ADAMTS6: variants seen among roughly 807,000 people sequenced by gnomAD.
ADAMTS6 encodes ADAM metallopeptidase with thrombospondin type 1 motif 6.
A neutral mutation model predicts 144.3 loss-of-function variants in ADAMTS6; 23 were observed. The observed-to-expected ratio is 0.16, with a 90% CI of 0.11 to 0.23. ADAMTS6 has a LOEUF of 0.23. Among genes scored for constraint, ADAMTS6 ranks in the 10% least tolerant of loss-of-function variants. The pLI is 1.00. For synonymous variants in ADAMTS6, 444 were observed against 457.5 expected, an observed-to-expected ratio of 0.97 and a Z score of 0.38; for missense variants, 999 against 1,379.6, an observed-to-expected ratio of 0.72 and a Z score of 4.37.
intron 14 of ADAMTS6, among the ~76,000 whole-genome samples, chr5:65,258,900 A>G (rs1760920535): frequency 6.6e-6 from 1 of 152,178 alleles, no homozygotes; most frequent in Non-Finnish European, 1.5e-5. Context: ...GAATTCATGA[A>G]AGAAGTACAG....
intron 12 of ADAMTS6, among the ~76,000 whole-genome samples, chr5:65,265,902 G>C (rs1761586563): frequency 6.6e-6 from 1 of 151,730 alleles, no homozygotes; most frequent in Admixed American, 6.6e-5. Context: ...AAAATCCATT[G>C]GAGGTGTATG....
intron 12 of ADAMTS6, among the ~76,000 whole-genome samples, chr5:65,268,450 A>T (rs569308470): frequency 3.2e-4 from 49 of 152,282 alleles, no homozygotes; most frequent in Non-Finnish European, 5.7e-4. Context: ...TCCTGTCCAA[A>T]GGGCTATTGC....
At chr5:65,345,370 T>C (rs1389458217) in intron 7 of ADAMTS6, among the ~76,000 whole-genome samples, 1 of 151,784 alleles carries the variant, frequency 6.6e-6, no homozygotes, top group African/African-American at 2.4e-5. Context: ...AGTTGCTGTA[T>C]GTTTGTAAGG....
At chr5:65,395,545 G>A (rs911898604) in intron 7 of ADAMTS6, among the ~76,000 whole-genome samples, 1 of 152,112 alleles carries the variant, frequency 6.6e-6, no homozygotes, top group African/African-American at 2.4e-5. Context: ...TGTTGCTGTT[G>A]TTTAGTGTGC....
At chr5:65,289,831 T>C (rs991956335) in intron 11 of ADAMTS6, among the ~76,000 whole-genome samples, 5 of 152,174 alleles carry the variant, frequency 3.3e-5, no homozygotes, top group African/African-American at 1.2e-4. Context: ...ATGAGAGACA[T>C]AGATATGAAT....
chr5:65,376,084 G>A (rs1751504782), intron 7 of ADAMTS6, among the ~76,000 whole-genome samples: 1 of 151,768 alleles, frequency 6.6e-6, no homozygotes, highest in Non-Finnish European at 1.5e-5. Context: ...ACACAGGAAG[G>A]GGAACATCAC....
Position 65,224,274 on chromosome 5 carries a change from C to G in ADAMTS6, c.2272+46G>C, listed in dbSNP as rs746873329. 3 of 1,510,924 alleles carry G rather than the reference C, an allele frequency of 2.0e-6. No homozygotes were observed. The African/African-American group carries it at 4.1e-5, about 21-fold the overall frequency. The allele number at this position is 1,510,924 out of a possible 1,614,324, so 93.6% of individuals were successfully genotyped here. The stretch of plus-strand genomic sequence containing the variant: ...TTCATGATACTGTGCTACTTTTCCT[C>G]ATTTACTTTTAAAATCCAGCAAACT... On this transcript the variant is annotated intron_variant, in intron 18 of 24. Transcript: ENST00000381055.
At chr5:65,215,038 A>T in intron 19 of ADAMTS6, 106 bp from the exon 20 acceptor site, 3 of 1,401,634 alleles carry the variant, frequency 2.1e-6, no homozygotes, top group Non-Finnish European at 2.9e-6. Flanking sequence ...GTCTTACAGG[A>T]AACTTAATAT....
At chr5:65,169,751 T>C (rs369558221) in intron 24 of ADAMTS6, among the ~76,000 whole-genome samples, 2 of 151,256 alleles carry the variant, frequency 1.3e-5, no homozygotes, top group East Asian at 1.9e-4. Flanking sequence ...ATGGATGAAA[T>C]TGGAAACCAT....
At chr5:65,160,653 ATT>A (rs10644572) in intron 24 of ADAMTS6, among the ~76,000 whole-genome samples, 7 of 126,008 alleles carry the variant, frequency 5.6e-5, no homozygotes, top group Non-Finnish European at 6.5e-5. Flanking sequence ...TCTTTCCTCC[ATT>A]TTTTTTTTTT....
intron 7 of ADAMTS6, among the ~76,000 whole-genome samples, chr5:65,384,554 A>T (rs1442830907): frequency 1.3e-5 from 2 of 152,168 alleles, no homozygotes; most frequent in Non-Finnish European, 2.9e-5. Context: ...GGGAGACCTC[A>T]TTAAGATGAC....
chr5:65,395,022 G>A (rs1273485658), intron 7 of ADAMTS6, among the ~76,000 whole-genome samples: 1 of 151,986 alleles, frequency 6.6e-6, no homozygotes, highest in African/African-American at 2.4e-5. Flanking sequence ...TAAGGAACTA[G>A]GGGAAAAAGT....
At chr5:65,323,897 T>A (rs1745905151) in intron 9 of ADAMTS6, among the ~76,000 whole-genome samples, 1 of 152,254 alleles carries the variant, frequency 6.6e-6, no homozygotes, top group Non-Finnish European at 1.5e-5. Flanking sequence ...CATGTGTTTT[T>A]TGGCTGCGTA....
intron 11 of ADAMTS6, among the ~76,000 whole-genome samples, chr5:65,278,948 T>C (rs1762773995): frequency 6.7e-6 from 1 of 149,912 alleles, no homozygotes; most frequent in South Asian, 2.1e-4. Context: ...ACAGTCTTTT[T>C]TTTTTTTTTT....
chr5:65,203,767 TA>T (rs1352108581), intron 20 of ADAMTS6, among the ~76,000 whole-genome samples: 3 of 152,234 alleles, frequency 2.0e-5, no homozygotes, highest in South Asian at 2.1e-4. Flanking sequence ...GCTTTATTTT[TA>T]AAAGGCTTTG....
chr5:65,239,649 A>C (rs573693927), intron 15 of ADAMTS6, among the ~76,000 whole-genome samples: 1 of 152,326 alleles, frequency 6.6e-6, no homozygotes, highest in South Asian at 2.1e-4. Context: ...ACATTTGTAA[A>C]ACTTATAAAT....
At chr5:65,231,663 C>T (rs1334979202) in intron 15 of ADAMTS6, among the ~76,000 whole-genome samples, 1 of 152,074 alleles carries the variant, frequency 6.6e-6, no homozygotes, top group Non-Finnish European at 1.5e-5. Context: ...AGATTGAAAT[C>T]ATATCAAGTA....
At chr5:65,221,736 G>C (rs1001856607) in intron 18 of ADAMTS6, among the ~76,000 whole-genome samples, 1 of 152,100 alleles carries the variant, frequency 6.6e-6, no homozygotes, top group Non-Finnish European at 1.5e-5. Flanking sequence ...ATAATCTATA[G>C]AGAAAATCCA....
intron 15 of ADAMTS6, among the ~76,000 whole-genome samples, chr5:65,231,786 G>A (rs999205933): frequency 6.6e-6 from 1 of 152,016 alleles, no homozygotes; most frequent in African/African-American, 2.4e-5. Flanking sequence ...ATGGGCCAAA[G>A]AAGAAATAAA....
Sources: allele counts gnomAD v4.1 joint callset (sites outside exome capture counted in the v4.1 genomes callset), GRCh38; gene constraint gnomAD v4.1.1; transcripts MANE v1.5; gene names NCBI Gene and HGNC (gene_info 2026-07-23, HGNC 2026-07-21).